PSD3: variants seen among roughly 807,000 people sequenced by gnomAD.
PSD3 encodes pleckstrin and Sec7 domain containing 3.
In PSD3, 49 loss-of-function variants were observed where a neutral mutation model predicts 105.5. That is an observed-to-expected ratio of 0.46 (90% CI 0.37 to 0.59). PSD3 has a LOEUF of 0.59. PSD3 is among the 20% of genes least tolerant of loss of function. The probability of loss-of-function intolerance (pLI) is 0.00; values close to 1 mark genes in which losing one functional copy is unlikely to be tolerated. For synonymous variants in PSD3, 557 were observed against 457.8 expected, an observed-to-expected ratio of 1.22 and a Z score of -2.77; for missense variants, 1,561 against 1,263.8, an observed-to-expected ratio of 1.24 and a Z score of -3.57.
At chr8:18,569,170 T>G (rs1351783077) in intron 14 of PSD3, among the ~76,000 whole-genome samples, 2 of 132,408 alleles carry the variant, frequency 1.5e-5, no homozygotes, top group East Asian at 4.3e-4. Context: ...TAAACATACG[T>G]GTGCATGTGT....
intron 4 of PSD3, among the ~76,000 whole-genome samples, chr8:18,806,207 T>A (rs1159253796): frequency 6.6e-6 from 1 of 152,076 alleles, no homozygotes; most frequent in Non-Finnish European, 1.5e-5. Flanking sequence ...ACTAGAAGAG[T>A]TTGGTGCCGC....
intron 9 of PSD3, among the ~76,000 whole-genome samples, chr8:18,674,761 C>T (rs1247315099): frequency 1.3e-5 from 2 of 152,080 alleles, no homozygotes. Context: ...GATCCCAGCA[C>T]TTTGGGAGGC....
chr8:18,997,652 G>A (rs141146635), intron 1 of PSD3, among the ~76,000 whole-genome samples: 2,220 of 152,136 alleles, frequency 0.015, 97 homozygotes, highest in African/African-American at 0.051. Context: ...CCTGGCGACG[G>A]TGTCCGGTCC....
At chr8:18,562,381 C>G (rs1801447146) in intron 14 of PSD3, among the ~76,000 whole-genome samples, 1 of 152,236 alleles carries the variant, frequency 6.6e-6, no homozygotes. Flanking sequence ...ATTCTCCCAA[C>G]TTCTATCATG....
intron 15 of PSD3, among the ~76,000 whole-genome samples, chr8:18,542,139 G>A (rs1406858647): frequency 6.6e-6 from 1 of 152,150 alleles, no homozygotes; most frequent in Non-Finnish European, 1.5e-5. Flanking sequence ...CTGGACCACT[G>A]TAGGTGGACT....
At chr8:18,866,550 G>C (rs373814258) in intron 4 of PSD3, among the ~76,000 whole-genome samples, 8 of 152,180 alleles carry the variant, frequency 5.3e-5, no homozygotes, top group Non-Finnish European at 1.2e-4. Flanking sequence ...CCAAAGTCTT[G>C]TGGTTTTGAC....
chr8:18,923,957 G>C lies in PSD3; in HGVS notation c.130+12077C>G, dbSNP rs181169624. 4.0e-5 allele frequency among the ~76,000 whole-genome samples: 6 copies of C among 149,450 alleles called. No homozygotes were observed. In the East Asian group the frequency reaches 1.2e-3, roughly 29 times the overall value. On this transcript the variant is annotated intron_variant, in intron 2 of 15. Coordinates refer to ENST00000327040, the MANE Select transcript of PSD3 (RefSeq NM_015310.4). Reference sequence around the variant, plus strand: ...TATTAAACACCAATCTAAAAAAATAGATCTTGTAGACAAAAACACTGAACA... The same window carrying C: ...TATTAAACACCAATCTAAAAAAATACATCTTGTAGACAAAAACACTGAACA...
intron 2 of PSD3, among the ~76,000 whole-genome samples, chr8:18,889,071 T>C (rs1260744989): frequency 6.6e-6 from 1 of 152,092 alleles, no homozygotes; most frequent in African/African-American, 2.4e-5. Flanking sequence ...CAAATGTCTA[T>C]AGCATATCGC....
chr8:18,765,092 A>G (rs1270081949), intron 9 of PSD3, among the ~76,000 whole-genome samples: 1 of 152,186 alleles, frequency 6.6e-6, no homozygotes, highest in Non-Finnish European at 1.5e-5. Flanking sequence ...TGTTTCCATT[A>G]TAGCCTGCAA....
chr8:18,994,700 G>A (rs1357984994), intron 1 of PSD3, among the ~76,000 whole-genome samples: 1 of 151,654 alleles, frequency 6.6e-6, no homozygotes, highest in African/African-American at 2.4e-5. Flanking sequence ...TACTTCCATT[G>A]ATTTCTTTTT....
At chr8:18,942,447 C>T (rs982671290) in intron 1 of PSD3, among the ~76,000 whole-genome samples, 1 of 152,150 alleles carries the variant, frequency 6.6e-6, no homozygotes, top group Non-Finnish European at 1.5e-5. Context: ...GCTAATGCTG[C>T]AAAAGGCAAC....
At chr8:18,965,168 A>T (rs2114494) in intron 1 of PSD3, among the ~76,000 whole-genome samples, 48,893 of 152,040 alleles carry the variant, frequency 0.32, 8,703 homozygotes, top group Non-Finnish European at 0.41. Context: ...GCCATCCCAA[A>T]TAGCAACATT....
At chr8:18,782,002 ACT>A (rs1421329071) in intron 8 of PSD3, among the ~76,000 whole-genome samples, 1 of 150,706 alleles carries the variant, frequency 6.6e-6, no homozygotes, top group Non-Finnish European at 1.5e-5. Context: ...TTTTTATTTT[ACT>A]CTTTGAATTC....
intron 1 of PSD3, among the ~76,000 whole-genome samples, chr8:19,058,468 CAATAT>C (rs1410003874): frequency 5.4e-5 from 8 of 147,568 alleles, no homozygotes; most frequent in African/African-American, 2.0e-4. Context: ...ATAGCATATA[CAATAT>C]AAGTATATAA....
intron 10 of PSD3, among the ~76,000 whole-genome samples, chr8:18,652,332 T>C (rs1808549426): frequency 6.6e-6 from 1 of 151,960 alleles, no homozygotes; most frequent in African/African-American, 2.4e-5. Context: ...GGAGACTACA[T>C]TGGAAGAAGA....
chr8:18,573,300 T>C (rs1173174890), intron 13 of PSD3, among the ~76,000 whole-genome samples: 1 of 152,122 alleles, frequency 6.6e-6, no homozygotes, highest in African/African-American at 2.4e-5. Context: ...TGAAACCCCA[T>C]CTGTACTAAA....
At chr8:18,914,428 G>C (rs953350890) in intron 2 of PSD3, among the ~76,000 whole-genome samples, 7 of 151,914 alleles carry the variant, frequency 4.6e-5, no homozygotes, top group Non-Finnish European at 7.4e-5. Context: ...AAGTAAAATG[G>C]TCTCTTTTTG....
At chr8:18,585,118 AT>A (rs1803083020) in intron 12 of PSD3, among the ~76,000 whole-genome samples, 1 of 152,070 alleles carries the variant, frequency 6.6e-6, no homozygotes, top group Admixed American at 6.6e-5. Flanking sequence ...TGCTAGGAGG[AT>A]TTATGGAGGC....
At chr8:18,867,394 T>C (rs1186439427) in intron 4 of PSD3, among the ~76,000 whole-genome samples, 1 of 152,212 alleles carries the variant, frequency 6.6e-6, no homozygotes, top group African/African-American at 2.4e-5. Flanking sequence ...TCGGAGCTGA[T>C]AACCTCACTC....
Sources: allele counts gnomAD v4.1 joint callset (sites outside exome capture counted in the v4.1 genomes callset), GRCh38; gene constraint gnomAD v4.1.1; transcripts MANE v1.5; gene names NCBI Gene and HGNC (gene_info 2026-07-23, HGNC 2026-07-21).